Variants in MORC1 observed in about 807,000 individuals in gnomAD.
The protein encoded by MORC1 is MORC family CW-type zinc finger protein 1.
MORC1 carries 59 observed loss-of-function variants against 134.9 expected under a neutral mutation model. That is an observed-to-expected ratio of 0.44 (90% confidence interval 0.35 to 0.54). The LOEUF (loss-of-function observed/expected upper bound fraction) is 0.54, where lower values mean the gene tolerates loss of function less well. MORC1 is among the 20% of genes least tolerant of loss of function. The pLI is 0.00. For synonymous variants in MORC1, 395 were observed against 391.7 expected (o/e 1.01, Z -0.10); for missense variants, 947 against 1,134.5 (o/e 0.83, Z 2.37).
chr3:109,040,111 C>CA (rs1370880276), intron 14 of MORC1, among the ~76,000 whole-genome samples: 222 of 150,596 alleles, frequency 1.5e-3, no homozygotes, highest in African/African-American at 3.7e-3. Context: ...ACAACAACAA[C>CA]AACAAAAAAC....
At chr3:109,105,592 T>A (rs1485680644) in intron 3 of MORC1, among the ~76,000 whole-genome samples, 1 of 150,886 alleles carries the variant, frequency 6.6e-6, no homozygotes, top group East Asian at 2.0e-4. Flanking sequence ...AACAGGAGGA[T>A]CACTTGAGCC....
chr3:109,101,822 A>G (rs1038166729), intron 4 of MORC1, among the ~76,000 whole-genome samples: 5 of 152,236 alleles, frequency 3.3e-5, no homozygotes, highest in African/African-American at 1.2e-4. Flanking sequence ...GAGTTTTAAA[A>G]ACCTGCCCAA....
intron 4 of MORC1, 131 bp downstream of exon 4, chr3:109,103,717 CA>C: frequency 2.7e-6 from 2 of 736,652 alleles, no homozygotes; most frequent in East Asian, 5.7e-5. Context: ...AAAAGTTCAA[CA>C]AAAAGTCTGG....
chr3:109,037,540 C>T (rs960869646), intron 14 of MORC1, among the ~76,000 whole-genome samples: 1 of 152,180 alleles, frequency 6.6e-6, no homozygotes. Flanking sequence ...TTGCTGCACC[C>T]ATCAACTCGT....
intron 20 of MORC1, among the ~76,000 whole-genome samples, chr3:109,002,111 G>C (rs924284828): frequency 3.9e-5 from 6 of 152,162 alleles, no homozygotes; most frequent in Admixed American, 3.9e-4. Context: ...TCAGAGCATG[G>C]TCAAGTCTCC....
chr3:109,113,947 G>T (rs1308525071), intron 2 of MORC1, among the ~76,000 whole-genome samples: 2 of 151,932 alleles, frequency 1.3e-5, no homozygotes, highest in Non-Finnish European at 2.9e-5. Context: ...ATATAAGGAT[G>T]CATGACATAA....
chr3:109,020,020 T>C (rs959185583), intron 17 of MORC1, among the ~76,000 whole-genome samples: 1 of 152,218 alleles, frequency 6.6e-6, no homozygotes, highest in African/African-American at 2.4e-5. Flanking sequence ...CCATGAAGTA[T>C]ATGTAGCTTA....
At chr3:109,105,319 T>C (rs752623506) in intron 3 of MORC1, among the ~76,000 whole-genome samples, 3 of 152,310 alleles carry the variant, frequency 2.0e-5, no homozygotes, top group Non-Finnish European at 4.4e-5. Context: ...GGTCGAGAGA[T>C]TGAGACCATC....
At chr3:108,988,064 C>A (rs1947943650) in intron 21 of MORC1, among the ~76,000 whole-genome samples, 1 of 151,912 alleles carries the variant, frequency 6.6e-6, no homozygotes, top group Admixed American at 6.6e-5. Flanking sequence ...TCTTTCATGC[C>A]CTCTCTAACC....
intron 14 of MORC1, among the ~76,000 whole-genome samples, chr3:109,051,156 G>A (rs534228408): frequency 1.3e-5 from 2 of 152,280 alleles, no homozygotes; most frequent in African/African-American, 4.8e-5. Flanking sequence ...AAATATTTCT[G>A]AGATTGTTAG....
In MORC1 at chr3:109,114,392, G is replaced by A; in HGVS notation, c.111C>T (p.Asp37=). ...FLFGALAELL[D]NARDAGAERL... ...TTACAGATAAACCTTACCTTGCATT[G>A]TCCAGCAATTCAGCCAGTGCTCCAA... Residue 37 remains aspartate (D), a synonymous_variant, in exon 2 of 28, where the codon GAC becomes GAT. Coordinates refer to ENST00000232603, the MANE Select transcript of MORC1 (RefSeq NM_014429.4). 1 of 1,612,498 alleles carries A rather than the reference G, an allele frequency of 6.2e-7. No homozygotes were observed. Among genetic ancestry groups the A allele is most frequent in the Non-Finnish European group, 8.5e-7 (1 of 1,178,974 alleles).
intron 13 of MORC1, 144 bp from the exon 14 acceptor site, chr3:109,055,026 C>CTAATTATG: frequency 1.4e-6 from 1 of 733,824 alleles, no homozygotes; most frequent in Non-Finnish European, 2.2e-6. Flanking sequence ...AACAAGTTAG[C>CTAATTATG]TAATTATGTT....
Position 109,057,333 on chromosome 3 carries a change from A to G in MORC1, c.1175+10T>C, listed in dbSNP as rs770902533. The G allele has an allele frequency of 1.9e-6, 3 of 1,603,374 alleles. 1 individual carries two copies. The highest frequency in any genetic ancestry group is 2.3e-5 in the South Asian group (2 of 88,344). Reference sequence around the variant, plus strand: ...TCTGCTTATATCTCTGAAAGCAAAAACATACTCACAAGGACTTCAGTTTCA... The same window carrying G: ...TCTGCTTATATCTCTGAAAGCAAAAGCATACTCACAAGGACTTCAGTTTCA... On this transcript the variant is annotated intron_variant, in intron 13 of 27. Coordinates refer to ENST00000232603, the MANE Select transcript of MORC1 (RefSeq NM_014429.4).
At chr3:109,044,836 T>C (rs1316046559) in intron 14 of MORC1, among the ~76,000 whole-genome samples, 3 of 130,824 alleles carry the variant, frequency 2.3e-5, no homozygotes, top group African/African-American at 5.0e-5. Context: ...TCCCAGCTAC[T>C]TGGGAGGCTT....
intron 8 of MORC1, among the ~76,000 whole-genome samples, chr3:109,083,855 C>T (rs1950567263): frequency 6.6e-6 from 1 of 152,118 alleles, no homozygotes; most frequent in South Asian, 2.1e-4. Context: ...GATGCTTGAA[C>T]ATATGCAAAT....
At chr3:109,021,927 T>C (rs974330261) in intron 17 of MORC1, among the ~76,000 whole-genome samples, 6 of 152,218 alleles carry the variant, frequency 3.9e-5, no homozygotes, top group African/African-American at 1.4e-4. Context: ...TTCAAAGGAC[T>C]TGTACACTAG....
chr3:109,042,908 T>A (rs1949588129), intron 14 of MORC1, among the ~76,000 whole-genome samples: 1 of 152,088 alleles, frequency 6.6e-6, no homozygotes, highest in Non-Finnish European at 1.5e-5. Context: ...AGAATGATGG[T>A]TACCAGAGGC....
At chr3:109,011,239 A>G (rs1402430736) in intron 17 of MORC1, among the ~76,000 whole-genome samples, 2 of 152,092 alleles carry the variant, frequency 1.3e-5, no homozygotes, top group Non-Finnish European at 2.9e-5. Flanking sequence ...AAAACAAAAA[A>G]AACCCTGCCA....
At chr3:109,081,118 A>C (rs1359409591) in intron 8 of MORC1, among the ~76,000 whole-genome samples, 1 of 152,210 alleles carries the variant, frequency 6.6e-6, no homozygotes, top group Non-Finnish European at 1.5e-5. Flanking sequence ...AAGAGAATAC[A>C]TCTAAATCAT....
Sources: gnomAD v4.1 joint callset for allele counts (sites outside exome capture counted in the v4.1 genomes callset) on GRCh38, gnomAD v4.1.1 for gene constraint, MANE v1.5 for transcripts, NCBI Gene and HGNC (gene_info 2026-07-23, HGNC 2026-07-21) for gene names.